The following GPR176 variants were observed in gnomAD, a reference collection of about 807,000 sequenced individuals.
The protein encoded by GPR176 is G protein-coupled receptor 176.
GPR176 carries 26 observed loss-of-function variants against 35.4 expected under a neutral mutation model. The observed-to-expected ratio is 0.74, with a 90% CI of 0.54 to 1.02. The LOEUF is 1.02. Among genes scored for constraint, GPR176 ranks in the 50% least tolerant of loss-of-function variants. The pLI, the probability that GPR176 is intolerant of heterozygous loss-of-function variation, is 0.00. For missense variants in GPR176, 597 were observed against 665.3 expected (o/e 0.90, Z 1.13); for synonymous variants, 278 against 271.3 (o/e 1.02, Z -0.24).
intron 1 of GPR176, among the ~76,000 whole-genome samples, chr15:39,853,202 T>C (rs1039735902): frequency 3.3e-5 from 5 of 152,112 alleles, no homozygotes; most frequent in Admixed American, 1.3e-4. Context: ...AAAGAAAACA[T>C]GATATATACA....
rs59388406 is a variant in GPR176 at position 39,831,994 on chromosome 15, G to GCACACA, written c.173-24742_173-24737dup. On this transcript the variant is annotated intron_variant, in intron 1 of 2. Coordinates refer to ENST00000561100, the MANE Select transcript of GPR176 (RefSeq NM_007223.3). ...CCTCTAATATCACACACATGTGCAT[G>GCACACA]CACACACACACACACACACACACAC... Among the ~76,000 whole-genome samples, 736 of 146,906 alleles carry GCACACA rather than the reference G, an allele frequency of 5.0e-3. 6 individuals are homozygous for GCACACA. The highest frequency in any genetic ancestry group is 0.011 in the African/African-American group (428 of 39,804).
intron 1 of GPR176, among the ~76,000 whole-genome samples, chr15:39,852,094 C>T (rs2030914887): frequency 6.6e-6 from 1 of 152,074 alleles, no homozygotes; most frequent in South Asian, 2.1e-4. Context: ...TCTTATTCTT[C>T]TGGTCTAGTG....
intron 1 of GPR176, among the ~76,000 whole-genome samples, chr15:39,859,353 G>GTGT (rs2031444626): frequency 1.3e-5 from 2 of 152,014 alleles, no homozygotes; most frequent in South Asian, 4.1e-4. Flanking sequence ...AAAAGGACTT[G>GTGT]TGTAGACATT....
At chr15:39,893,481 G>T (rs2032952040) in intron 1 of GPR176, among the ~76,000 whole-genome samples, 1 of 152,178 alleles carries the variant, frequency 6.6e-6, no homozygotes, top group African/African-American at 2.4e-5. Context: ...AGAACAAAAT[G>T]AAAAGTCTCC....
chr15:39,842,576 C>T (rs1242369710), intron 1 of GPR176, among the ~76,000 whole-genome samples: 5 of 151,906 alleles, frequency 3.3e-5, no homozygotes, highest in Non-Finnish European at 1.5e-5. Context: ...GATTAGTACT[C>T]TTATAAAAAG....
intron 1 of GPR176, among the ~76,000 whole-genome samples, chr15:39,824,962 T>C (rs967566245): frequency 5.3e-5 from 8 of 152,312 alleles, no homozygotes; most frequent in Non-Finnish European, 1.2e-4. Flanking sequence ...CCCAGCACTT[T>C]GGGAGGCCAA....
chr15:39,881,803 A>C (rs2032486422), intron 1 of GPR176, among the ~76,000 whole-genome samples: 2 of 152,250 alleles, frequency 1.3e-5, no homozygotes, highest in African/African-American at 2.4e-5. Context: ...AATGTTTTAA[A>C]TACAAACAGT....
chr15:39,804,658 TC>T (rs1318752754), intron 2 of GPR176, among the ~76,000 whole-genome samples: 1 of 151,632 alleles, frequency 6.6e-6, no homozygotes, highest in Non-Finnish European at 1.5e-5. Flanking sequence ...GCAGCATTAC[TC>T]ACAATATCCA....
intron 1 of GPR176, among the ~76,000 whole-genome samples, chr15:39,833,721 G>A (rs907773626): frequency 2.0e-5 from 3 of 152,250 alleles, no homozygotes. Flanking sequence ...GAAGATATGA[G>A]CACAAAACTG....
chr15:39,840,692 G>C (rs2029905353), intron 1 of GPR176, among the ~76,000 whole-genome samples: 1 of 152,034 alleles, frequency 6.6e-6, no homozygotes. Flanking sequence ...TAAGAACCAA[G>C]TCGATTGTAA....
intron 1 of GPR176, among the ~76,000 whole-genome samples, chr15:39,826,497 T>TA (rs892852403): frequency 6.6e-6 from 1 of 151,848 alleles, no homozygotes; most frequent in Non-Finnish European, 1.5e-5. Context: ...CCTCCCCACC[T>TA]ACAGGGGGCT....
At chr15:39,847,530 G>T (rs1419454626) in intron 1 of GPR176, among the ~76,000 whole-genome samples, 1 of 151,982 alleles carries the variant, frequency 6.6e-6, no homozygotes, top group Non-Finnish European at 1.5e-5. Context: ...CCTCACTTAA[G>T]GTCAGGAGTT....
At chr15:39,897,590 C>T (rs1306149269) in intron 1 of GPR176, among the ~76,000 whole-genome samples, 1 of 144,272 alleles carries the variant, frequency 6.9e-6, no homozygotes, top group African/African-American at 2.6e-5. Context: ...TCATGAGAAA[C>T]ATCCAAATAT....
At chr15:39,835,019 T>C (rs1232386368) in intron 1 of GPR176, among the ~76,000 whole-genome samples, 1 of 152,112 alleles carries the variant, frequency 6.6e-6, no homozygotes, top group Non-Finnish European at 1.5e-5. Context: ...TATCAAAATA[T>C]CTTTTTTTTT....
chr15:39,861,609 G>A (rs530138827), intron 1 of GPR176, among the ~76,000 whole-genome samples: 1 of 151,896 alleles, frequency 6.6e-6, no homozygotes, highest in African/African-American at 2.4e-5. Flanking sequence ...CTTTAACCTG[G>A]CTTTGCAAGA....
At chr15:39,893,797 C>T (rs1220040085) in intron 1 of GPR176, among the ~76,000 whole-genome samples, 3 of 143,530 alleles carry the variant, frequency 2.1e-5, no homozygotes, top group African/African-American at 7.7e-5. Flanking sequence ...CCCCCACCTC[C>T]CTCCCGGATG....
At chr15:39,839,083 G>A (rs1218139541) in intron 1 of GPR176, among the ~76,000 whole-genome samples, 1 of 152,148 alleles carries the variant, frequency 6.6e-6, no homozygotes, top group Non-Finnish European at 1.5e-5. Context: ...TAGATTCAGT[G>A]CCATCCTCAT....
intron 1 of GPR176, among the ~76,000 whole-genome samples, chr15:39,888,362 T>C (rs565352968): frequency 2.6e-5 from 4 of 152,292 alleles, no homozygotes; most frequent in African/African-American, 9.6e-5. Flanking sequence ...CATAGCTCTC[T>C]GTATCCTTAA....
At chr15:39,875,205 T>C (rs2032196218) in intron 1 of GPR176, among the ~76,000 whole-genome samples, 1 of 152,204 alleles carries the variant, frequency 6.6e-6, no homozygotes, top group Non-Finnish European at 1.5e-5. Flanking sequence ...GCTTTGTTTC[T>C]ACCTGTCAAA....
Sources: gnomAD v4.1 joint callset for allele counts (sites outside exome capture counted in the v4.1 genomes callset) on GRCh38, gnomAD v4.1.1 for gene constraint, MANE v1.5 for transcripts, NCBI Gene and HGNC (gene_info 2026-07-23, HGNC 2026-07-21) for gene names.